Variants in NRG1 observed in about 807,000 individuals in gnomAD.
The protein encoded by NRG1 is pro-neuregulin-1, membrane-bound isoform.
Under a neutral mutation model 63.8 loss-of-function variants are expected in NRG1, and 18 were observed. The observed-to-expected ratio is 0.28, with a 90% CI of 0.19 to 0.42. NRG1 has a LOEUF of 0.42. Among genes scored for constraint, NRG1 ranks in the 10% least tolerant of loss-of-function variants. NRG1 has a pLI of 1.00. For missense variants in NRG1, 762 were observed against 814.7 expected (o/e 0.94, Z 0.79); for synonymous variants, 302 against 301.3 (o/e 1.00, Z -0.02).
chr8:31,908,039 T>G (rs1585666152), intron 1 of NRG1, among the ~76,000 whole-genome samples: 1 of 152,180 alleles, frequency 6.6e-6, no homozygotes, highest in African/African-American at 2.4e-5. Flanking sequence ...GTCCCACCCC[T>G]ACCCATTTCA....
chr8:32,221,328 CG>C (rs1367103140), intron 1 of NRG1, among the ~76,000 whole-genome samples: 1 of 152,022 alleles, frequency 6.6e-6, no homozygotes, highest in Non-Finnish European at 1.5e-5. Context: ...TCTTGATGCA[CG>C]GTGGAGAAAG....
chr8:32,384,736 T>C (rs1810767706), intron 1 of NRG1, among the ~76,000 whole-genome samples: 1 of 152,264 alleles, frequency 6.6e-6, no homozygotes, highest in Non-Finnish European at 1.5e-5. Flanking sequence ...AAGTCGTTTT[T>C]ACATTAGGGC....
At chr8:32,764,277 G>C in exon 12 of NRG1, 2 of 1,614,090 alleles carry the variant, frequency 1.2e-6, no homozygotes, top group Non-Finnish European at 1.7e-6. Flanking sequence ...AGCCAGTCTT[G>C]AGGCAACACC....
At chr8:32,608,092 G>GTTTTGTTTTT (rs1845594606) in intron 3 of NRG1, among the ~76,000 whole-genome samples, 1 of 106,158 alleles carries the variant, frequency 9.4e-6, no homozygotes, top group African/African-American at 3.4e-5. Flanking sequence ...GGTTTTTTTT[G>GTTTTGTTTTT]TTTTTTTTTT....
intron 1 of NRG1, among the ~76,000 whole-genome samples, chr8:32,087,921 A>AAGACTT (rs1216226646): frequency 6.6e-6 from 1 of 152,174 alleles, no homozygotes; most frequent in East Asian, 1.9e-4. Context: ...TAACTGTTCT[A>AAGACTT]AGACTTAGCT....
chr8:31,847,477 C>G (rs976698231), intron 1 of NRG1, among the ~76,000 whole-genome samples: 13 of 152,216 alleles, frequency 8.5e-5, no homozygotes, highest in African/African-American at 3.1e-4. Flanking sequence ...CAGCCTACAA[C>G]TACAGAGGAT....
intron 1 of NRG1, among the ~76,000 whole-genome samples, chr8:32,131,450 A>G (rs1410282548): frequency 1.3e-5 from 2 of 152,040 alleles, no homozygotes; most frequent in African/African-American, 2.4e-5. Context: ...TAGAGAATCC[A>G]TGAAAATCTA....
At chr8:32,635,497 T>A (rs1336825577) in intron 5 of NRG1, among the ~76,000 whole-genome samples, 2 of 152,214 alleles carry the variant, frequency 1.3e-5, no homozygotes, top group Non-Finnish European at 2.9e-5. Flanking sequence ...ATTACAGTCA[T>A]GCCATTTCAT....
chr8:32,471,463 A>G (rs1054542544), intron 1 of NRG1, among the ~76,000 whole-genome samples: 1 of 152,192 alleles, frequency 6.6e-6, no homozygotes, highest in South Asian at 2.1e-4. Context: ...TTCTAGATCA[A>G]TCGCCATCAA....
intron 1 of NRG1, among the ~76,000 whole-genome samples, chr8:31,840,872 A>G (rs1418603693): frequency 6.6e-6 from 1 of 152,132 alleles, no homozygotes; most frequent in Non-Finnish European, 1.5e-5. Context: ...GCATGCTTTC[A>G]GTTCCTATAC....
intron 5 of NRG1, chr8:32,722,007 A>G (rs1820769961): frequency 6.5e-7 from 1 of 1,548,512 alleles, no homozygotes; most frequent in Non-Finnish European, 8.7e-7. Flanking sequence ...GAAAGTATGC[A>G]GATTCCTAAA....
At chr8:31,987,079 C>T (rs531489302) in intron 1 of NRG1, among the ~76,000 whole-genome samples, 8 of 152,030 alleles carry the variant, frequency 5.3e-5, no homozygotes, top group Non-Finnish European at 1.0e-4. Flanking sequence ...GCGGGCAGAT[C>T]ATGAGGTCAA....
At chr8:32,414,655 T>C (rs1259497494) in intron 1 of NRG1, among the ~76,000 whole-genome samples, 1 of 152,214 alleles carries the variant, frequency 6.6e-6, no homozygotes, top group East Asian at 1.9e-4. Flanking sequence ...TGGTACTTTA[T>C]TTCTCCCTGT....
intron 1 of NRG1, among the ~76,000 whole-genome samples, chr8:32,287,879 A>G (rs1434434147): frequency 6.6e-6 from 1 of 152,190 alleles, no homozygotes; most frequent in Non-Finnish European, 1.5e-5. Flanking sequence ...TTGAGATACC[A>G]CATCCACTGA....
chr8:32,745,793 G>T (rs1038854384), intron 7 of NRG1, among the ~76,000 whole-genome samples: 1 of 151,890 alleles, frequency 6.6e-6, no homozygotes, highest in Non-Finnish European at 1.5e-5. Context: ...CAATAGTTAG[G>T]GGCAGTACAG....
intron 1 of NRG1, among the ~76,000 whole-genome samples, chr8:31,645,862 A>G (rs1427754144): frequency 1.3e-5 from 2 of 152,184 alleles, no homozygotes; most frequent in South Asian, 2.1e-4. Flanking sequence ...CTGTCCTACT[A>G]CTTTCTAACT....
intron 2 of NRG1, among the ~76,000 whole-genome samples, chr8:32,601,107 A>G (rs929516514): frequency 6.6e-6 from 1 of 152,160 alleles, no homozygotes; most frequent in Non-Finnish European, 1.5e-5. Flanking sequence ...GATGAATCCC[A>G]TAGTTAAATG....
At chr8:32,406,909 C>T (rs527932201) in intron 1 of NRG1, among the ~76,000 whole-genome samples, 146 of 151,968 alleles carry the variant, frequency 9.6e-4, no homozygotes, top group African/African-American at 3.4e-3. Flanking sequence ...AATCTCAAAC[C>T]GAATTCTATA....
chr8:32,036,152 C>T (rs1328908057), intron 1 of NRG1, among the ~76,000 whole-genome samples: 1 of 152,110 alleles, frequency 6.6e-6, no homozygotes, highest in African/African-American at 2.4e-5. Flanking sequence ...TCAGCATTTG[C>T]TTATCTGAAA....
Sources: allele counts gnomAD v4.1 joint callset (sites outside exome capture counted in the v4.1 genomes callset), GRCh38; gene constraint gnomAD v4.1.1; transcripts MANE v1.5; gene names NCBI Gene and HGNC (gene_info 2026-07-23, HGNC 2026-07-21).